The following DDX47 variants were observed in gnomAD, a reference collection of about 807,000 sequenced individuals.
DDX47 encodes DEAD-box helicase 47.
A neutral mutation model predicts 58.8 loss-of-function variants in DDX47; 60 were observed. The ratio of observed to expected loss-of-function variants is 1.02; its 90% CI spans 0.83 to 1.26. DDX47 has a LOEUF of 1.26. Among genes scored for constraint, DDX47 ranks in the 50% most tolerant of loss-of-function variants. DDX47 has a pLI of 0.00. For synonymous variants in DDX47, 197 were observed against 204.6 expected (o/e 0.96, Z 0.32); for missense variants, 530 against 573.2 (o/e 0.92, Z 0.77).
chr12:12,821,886 A>G (rs1017712906), intron 4 of DDX47, 79 bp from the exon 5 acceptor site: 2 of 1,209,416 alleles, frequency 1.7e-6, no homozygotes, highest in South Asian at 1.3e-5. Flanking sequence ...GGGGCAGATA[A>G]CTTTATTTGT....
rs372644377 is a variant in DDX47 at position 12,829,662 on chromosome 12, A to T, written c.*108A>T. The T allele has an allele frequency of 2.2e-5, 30 of 1,378,422 alleles. 1 individual carries two copies. The South Asian group carries it at 4.5e-4, about 21-fold the overall frequency. The allele number at this position is 1,378,422 out of a possible 1,614,324, so 85.4% of individuals were successfully genotyped here. On this transcript the variant is annotated 3_prime_UTR_variant, in exon 12 of 12. Transcript: ENST00000358007. ...TGAAATTGGTCAGAATTGTGTCCAG[A>T]ATGTGCTCAGCTAATTCAGTATTCT...
In DDX47 at chr12:12,827,961, C is replaced by T. The variant is rs559061927; in HGVS notation, c.1236+586C>T. 7.8e-4 allele frequency among the ~76,000 whole-genome samples: 116 copies of T among 149,090 alleles called. 1 individual carries two copies. The highest frequency in any genetic ancestry group is 1.3e-3 in the Non-Finnish European group (87 of 67,542). On this transcript the variant is annotated intron_variant, in intron 11 of 11. Coordinates refer to ENST00000358007, the MANE Select transcript of DDX47 (RefSeq NM_016355.4). ...TGCAATCTCGGCTCACCACAACCTC[C>T]GCCTCCCGGGTTCAAGCGATTCTCC...
chr12:12,826,233 G>A (rs1191072084), intron 10 of DDX47, 163 bp downstream of exon 10: 2 of 507,970 alleles, frequency 3.9e-6, no homozygotes, highest in East Asian at 6.6e-5. Flanking sequence ...TATCTAGCAG[G>A]GTTTTGGTGA....
At position 12,824,890 on chromosome 12, in the gene DDX47, T is replaced by C. The variant is rs1863027485; in HGVS notation, c.1035+213T>C. The C allele has an allele frequency of 1.3e-5, 6 of 458,380 alleles. No homozygotes were observed. The South Asian group carries it at 2.5e-4, about 19-fold the overall frequency. 28.4% of individuals were successfully genotyped at this position (458,380 alleles called of 1,614,324 possible). A position where few individuals can be genotyped will look rare whatever the true frequency, so the allele number is the denominator to read the frequency against. ...GAAAGAGGTAGCCAAGGAGAGTTAT[T>C]AGATGCTCATAGAAGGGGCTGGTGC... On this transcript the variant is annotated intron_variant, in intron 9 of 11. Coordinates refer to ENST00000358007, the MANE Select transcript of DDX47 (RefSeq NM_016355.4).
At chr12:12,827,046 C>T (rs563275963) in intron 10 of DDX47, among the ~76,000 whole-genome samples, 200 bp from the exon 11 acceptor site, 1 of 152,240 alleles carries the variant, frequency 6.6e-6, no homozygotes, top group East Asian at 1.9e-4. Flanking sequence ...TGCAAGCCAC[C>T]ATGCCTGGCC....
At chr12:12,820,861 C>G (rs1862958769) in intron 2 of DDX47, 2 of 286,536 alleles carry the variant, frequency 7.0e-6, no homozygotes, top group Non-Finnish European at 1.3e-5. Flanking sequence ...TCCTTTCTTC[C>G]CTTCTTTGCT....
chr12:12,821,640 T>G lies in DDX47; in HGVS notation c.371-15T>G, dbSNP rs777782474. The G allele has an allele frequency of 3.1e-6, 5 of 1,611,538 alleles. No individual in the cohort carries two copies. The South Asian group carries it at 5.5e-5, about 18-fold the overall frequency. ...AATTAAGGATCTCGTCTCTATGTTC[T>G]TTTTTTCTCTGTAGCTGTGATTGTA... On this transcript the variant is annotated splice_polypyrimidine_tract_variant and intron_variant, in intron 3 of 11. Coordinates refer to ENST00000358007, the MANE Select transcript of DDX47 (RefSeq NM_016355.4).
intron 2 of DDX47, among the ~76,000 whole-genome samples, chr12:12,818,014 T>C (rs1862922592): frequency 6.6e-6 from 1 of 152,116 alleles, no homozygotes; most frequent in South Asian, 2.1e-4. Flanking sequence ...TTCCCGAAGG[T>C]GTATTGTGTT....
intron 10 of DDX47, 47 bp downstream of exon 10, chr12:12,826,117 A>T (rs774405360): frequency 1.3e-6 from 2 of 1,534,138 alleles, no homozygotes; most frequent in Non-Finnish European, 1.8e-6. Context: ...AAAAGAGCAG[A>T]ACTTTCAAGC....
intron 2 of DDX47, chr12:12,820,210 T>C (rs954027480): frequency 1.3e-5 from 2 of 152,276 alleles, no homozygotes; most frequent in Admixed American, 1.3e-4. Context: ...TGAGTGGTGA[T>C]AGCAAACAGT....
rs1446293861 is a variant in DDX47 at position 12,829,679 on chromosome 12, C to G, written c.*125C>G. The G allele has an allele frequency of 8.2e-7, 1 of 1,220,418 alleles. No homozygotes were observed. The highest frequency in any genetic ancestry group is 1.1e-6 in the Non-Finnish European group (1 of 893,018). 75.6% of individuals were successfully genotyped at this position (1,220,418 alleles called of 1,614,324 possible). On this transcript the variant is annotated 3_prime_UTR_variant, in exon 12 of 12. Coordinates refer to ENST00000358007, the MANE Select transcript of DDX47 (RefSeq NM_016355.4). ...GTGTCCAGAATGTGCTCAGCTAATT[C>G]AGTATTCTTCCCCATTCTGGGTTGG...
Position 12,827,333 on chromosome 12 carries a change from G to T in DDX47, c.1194G>T (p.Met398Ile), listed in dbSNP as rs746931724. ...GFPTQDDEVMMLTERVAEAQR... is the reference protein window; with the variant it reads ...GFPTQDDEVMILTERVAEAQR... ...CAACACAGGATGATGAGGTTATGAT[G>T]CTGACAGAACGCGTCGCTGAAGCCC... Residue 398 changes from methionine to isoleucine, a missense_variant, in exon 11 of 12, where the codon ATG becomes ATT. By Grantham distance (10) the Met-to-Ile change is conservative. Coordinates refer to ENST00000358007, the MANE Select transcript of DDX47 (RefSeq NM_016355.4). 6.2e-7 allele frequency: 1 copy of T among 1,614,186 alleles called. No homozygotes were observed. The highest frequency in any genetic ancestry group is 8.5e-7 in the Non-Finnish European group (1 of 1,180,032).
Position 12,823,854 on chromosome 12 carries a change from TG to T in DDX47, c.751-13del. 1 of 1,611,928 alleles carries T rather than the reference TG, an allele frequency of 6.2e-7. No homozygotes were observed. The highest frequency in any genetic ancestry group is 1.1e-5 in the South Asian group (1 of 90,826). ...CCAGGTTCAATGACATATATTGTTT[TG>T]GGTTTGTAACTTAGGATACCTACCT... On this transcript the variant is annotated splice_polypyrimidine_tract_variant and intron_variant, in intron 7 of 11. Transcript: ENST00000358007.
chr12:12,813,559 G>T, intron 1 of DDX47, 105 bp downstream of exon 1: 1 of 1,073,418 alleles, frequency 9.3e-7, no homozygotes. Flanking sequence ...AGCATCTTGG[G>T]GCCTAGCTTG....
Position 12,829,499 on chromosome 12 carries a change from T to C in DDX47, c.1313T>C (p.Ile438Thr). The change falls in exon 12 of 12, where the codon ATT (isoleucine) becomes ACT (threonine). Residue 438 changes from isoleucine (I) to threonine (T), a missense_variant. Coordinates refer to ENST00000358007, the MANE Select transcript of DDX47 (RefSeq NM_016355.4). ...GATAATGATGACACAGAGGGTGCTA[T>C]TGGTGTCAGGAACAAGGTGGCTGGA... ...AGDNDDTEGA[I>T]GVRNKVAGGK... The C allele has an allele frequency of 6.2e-7, 1 of 1,613,856 alleles. No individual in the cohort carries two copies. Among genetic ancestry groups the C allele is most frequent in the Non-Finnish European group, 8.5e-7 (1 of 1,179,866 alleles).
At chr12:12,829,320 A>C in intron 11 of DDX47, 103 bp from the exon 12 acceptor site, 1 of 1,323,440 alleles carries the variant, frequency 7.6e-7, no homozygotes, top group South Asian at 1.7e-5. Context: ...GTCAGGCATC[A>C]GCAAGTTACT....
At chr12:12,825,286 T>C (rs1383220172) in intron 9 of DDX47, among the ~76,000 whole-genome samples, 1 of 152,144 alleles carries the variant, frequency 6.6e-6, no homozygotes, top group African/African-American at 2.4e-5. Flanking sequence ...TAGTGCTTAG[T>C]GTATCTCAAG....
At chr12:12,823,567 G>T in intron 7 of DDX47, 1 of 546,616 alleles carries the variant, frequency 1.8e-6, no homozygotes, top group Non-Finnish European at 3.2e-6. Context: ...CATCCTTGAG[G>T]TAATTTTTCC....
Position 12,822,677 on chromosome 12 carries a change from A to G in DDX47, c.578A>G (p.Lys193Arg). 1.2e-6 allele frequency: 2 copies of G among 1,614,032 alleles called. No individual in the cohort carries two copies. Among genetic ancestry groups the G allele is most frequent in the Non-Finnish European group, 8.5e-7 (1 of 1,179,956 alleles). ...DFETEVDKIL[K>R]VIPRDRKTFL... is the part of the protein sequence containing the mutation. ...GTGCTTTAGGTTGACAAGATCCTCA[A>G]AGTGATTCCTCGAGATCGGAAAACA... Residue 193 changes from lysine to arginine, a missense_variant, in exon 6 of 12, where the codon AAA becomes AGA. Physicochemically the swap from Lys to Arg is conservative, Grantham distance 26. Coordinates refer to ENST00000358007, the MANE Select transcript of DDX47 (RefSeq NM_016355.4).
Sources: gnomAD v4.1 joint callset for allele counts (sites outside exome capture counted in the v4.1 genomes callset) on GRCh38, gnomAD v4.1.1 for gene constraint, MANE v1.5 for transcripts, NCBI Gene and HGNC (gene_info 2026-07-23, HGNC 2026-07-21) for gene names.